The following WWOX variants were observed in gnomAD, a reference collection of about 807,000 sequenced individuals.
The protein encoded by WWOX is WW domain containing oxidoreductase.
WWOX carries 69 observed loss-of-function variants against 46.2 expected under a neutral mutation model. The observed-to-expected ratio is 1.49, with a 90% CI of 1.23 to 1.82. The LOEUF (loss-of-function observed/expected upper bound fraction) is 1.82, where lower values mean the gene tolerates loss of function less well. Ranked by LOEUF, WWOX falls within the 40% of genes most tolerant of loss-of-function variation. The pLI is 0.00. For missense variants in WWOX, 919 were observed against 542.6 expected (o/e 1.69, Z -6.89); for synonymous variants, 359 against 202.6 (o/e 1.77, Z -6.56).
At chr16:79,121,279 A>C (rs2049625706) in intron 8 of WWOX, among the ~76,000 whole-genome samples, 1 of 152,186 alleles carries the variant, frequency 6.6e-6, no homozygotes, top group Non-Finnish European at 1.5e-5. Context: ...TGCATTGCTA[A>C]TTACATGAGT....
chr16:78,391,573 C>G (rs1282020171), intron 6 of WWOX, among the ~76,000 whole-genome samples: 1 of 152,212 alleles, frequency 6.6e-6, no homozygotes, highest in Non-Finnish European at 1.5e-5. Flanking sequence ...TCTGGCCAGG[C>G]ACGGTGGCTC....
intron 5 of WWOX, among the ~76,000 whole-genome samples, chr16:78,292,716 T>C (rs755449567): frequency 6.6e-6 from 1 of 152,184 alleles, no homozygotes; most frequent in African/African-American, 2.4e-5. Flanking sequence ...GGAAATTCCA[T>C]TAAGTTTAAA....
At chr16:78,840,217 T>TCA (rs2052101052) in intron 8 of WWOX, among the ~76,000 whole-genome samples, 1 of 152,234 alleles carries the variant, frequency 6.6e-6, no homozygotes, top group South Asian at 2.1e-4. Flanking sequence ...ATAATTACCA[T>TCA]CACTAATCCT....
At chr16:78,998,682 T>C (rs1334773476) in intron 8 of WWOX, among the ~76,000 whole-genome samples, 1 of 152,244 alleles carries the variant, frequency 6.6e-6, no homozygotes, top group Non-Finnish European at 1.5e-5. Flanking sequence ...GTGCTCAGCA[T>C]GCATGAAGGA....
chr16:78,996,316 T>C (rs2046986494), intron 8 of WWOX: 5 of 984,912 alleles, frequency 5.1e-6, no homozygotes, highest in Non-Finnish European at 6.0e-6. Context: ...TGGATGTTTT[T>C]CTACCGTGAC....
At chr16:79,174,675 G>A (rs1427638944) in intron 8 of WWOX, among the ~76,000 whole-genome samples, 2 of 152,102 alleles carry the variant, frequency 1.3e-5, no homozygotes, top group Non-Finnish European at 2.9e-5. Flanking sequence ...AGGGACTGAT[G>A]TCCAGTGAAT....
In WWOX at chr16:78,510,106, G is replaced by A. The variant is rs565803396; in HGVS notation, c.1056+77354G>A. ...GTCTGTCTGTCTGTCTGTCTCTCTC[G>A]GAAATATTCCTTCAGTGTATTAGTA... On this transcript the variant is annotated intron_variant, in intron 8 of 8. Transcript: ENST00000566780. Among the ~76,000 whole-genome samples the A allele has an allele frequency of 1.1e-4, 16 of 151,668 alleles. No individual in the cohort carries two copies. The South Asian group carries it at 2.3e-3, about 22-fold the overall frequency.
At chr16:78,525,790 C>T (rs2043450699) in intron 8 of WWOX, 1 of 149,622 alleles carries the variant, frequency 6.7e-6, no homozygotes. Flanking sequence ...TGACTCTGAC[C>T]CAGGTTGTCA....
At chr16:79,135,835 T>C (rs1037014376) in intron 8 of WWOX, among the ~76,000 whole-genome samples, 1 of 152,214 alleles carries the variant, frequency 6.6e-6, no homozygotes, top group African/African-American at 2.4e-5. Flanking sequence ...ATTTTTGTAC[T>C]TTTATTGACC....
chr16:78,379,477 C>T (rs543967192), intron 5 of WWOX, among the ~76,000 whole-genome samples: 2 of 152,274 alleles, frequency 1.3e-5, no homozygotes, highest in South Asian at 2.1e-4. Context: ...CCGACGTGTT[C>T]CTTTATTTCA....
chr16:78,547,424 C>T (rs1229960695), intron 8 of WWOX, among the ~76,000 whole-genome samples: 2 of 152,138 alleles, frequency 1.3e-5, no homozygotes, highest in African/African-American at 2.4e-5. Flanking sequence ...TGCCAGGTTT[C>T]AATGACCCTG....
At chr16:78,458,907 C>G (rs140395146) in intron 8 of WWOX, among the ~76,000 whole-genome samples, 1 of 152,066 alleles carries the variant, frequency 6.6e-6, no homozygotes, top group Admixed American at 6.5e-5. Context: ...GAAAAAAAAT[C>G]TTTCATTTCC....
chr16:78,996,469 C>A, intron 8 of WWOX: 1 of 334,082 alleles, frequency 3.0e-6, no homozygotes, highest in Non-Finnish European at 4.2e-6. Flanking sequence ...CTGGGCCGGA[C>A]CCATGGGTAT....
intron 8 of WWOX, among the ~76,000 whole-genome samples, chr16:79,030,407 A>G (rs889331865): frequency 6.6e-6 from 1 of 152,192 alleles, no homozygotes; most frequent in South Asian, 2.1e-4. Context: ...GATACTTTTC[A>G]TGGCCCTTTT....
chr16:78,143,384 G>C (rs560719370), intron 4 of WWOX, among the ~76,000 whole-genome samples: 1 of 152,248 alleles, frequency 6.6e-6, no homozygotes, highest in South Asian at 2.1e-4. Flanking sequence ...GTTTAGAACC[G>C]AATGTTAAAA....
intron 8 of WWOX, among the ~76,000 whole-genome samples, chr16:79,190,773 C>T (rs570136927): frequency 6.6e-6 from 1 of 152,246 alleles, no homozygotes; most frequent in East Asian, 1.9e-4. Context: ...ATTTGTTTAC[C>T]TATTGTCTAT....
intron 8 of WWOX, among the ~76,000 whole-genome samples, chr16:78,726,104 C>CCTCTCTCCCTCCCTCT (rs2048827735): frequency 7.6e-6 from 1 of 131,078 alleles, no homozygotes; most frequent in African/African-American, 2.8e-5. Context: ...TCCCTCCCTC[C>CCTCTCTCCCTCCCTCT]CTCCCTCTCT....
chr16:78,921,761 C>G (rs972228087), intron 8 of WWOX, among the ~76,000 whole-genome samples: 1 of 152,144 alleles, frequency 6.6e-6, no homozygotes, highest in Non-Finnish European at 1.5e-5. Context: ...GGGGTAACTG[C>G]AAGTTAGAAG....
At chr16:79,043,181 C>T (rs2048004131) in intron 8 of WWOX, among the ~76,000 whole-genome samples, 1 of 151,784 alleles carries the variant, frequency 6.6e-6, no homozygotes, top group South Asian at 2.1e-4. Flanking sequence ...TTTGAATGGC[C>T]ACATGAGTGT....
Sources: gnomAD v4.1 joint callset for allele counts (sites outside exome capture counted in the v4.1 genomes callset) on GRCh38, gnomAD v4.1.1 for gene constraint, MANE v1.5 for transcripts, NCBI Gene and HGNC (gene_info 2026-07-23, HGNC 2026-07-21) for gene names.